The following PRKAR1B variants were observed in gnomAD, a reference collection of about 807,000 sequenced individuals.
PRKAR1B encodes cAMP-dependent protein kinase type I-beta regulatory subunit.
A neutral mutation model predicts 46.5 loss-of-function variants in PRKAR1B; 22 were observed. The observed-to-expected ratio is 0.47, with a 90% CI of 0.34 to 0.68. The LOEUF (loss-of-function observed/expected upper bound fraction) is 0.68. Among genes scored for constraint, PRKAR1B ranks in the 30% least tolerant of loss-of-function variants. The probability of loss-of-function intolerance (pLI) is 0.01; values close to 1 mark genes in which losing one functional copy is unlikely to be tolerated. For missense variants in PRKAR1B, 445 were observed against 535.6 expected (o/e 0.83, Z 1.67); for synonymous variants, 259 against 217.7 (o/e 1.19, Z -1.67).
intron 4 of PRKAR1B, among the ~76,000 whole-genome samples, chr7:673,925 C>A (rs1220348212): frequency 2.0e-5 from 3 of 152,338 alleles, no homozygotes; most frequent in African/African-American, 4.8e-5. Context: ...TGCGGCCCTC[C>A]TCGGCGTGTG....
At chr7:634,998 T>C (rs1250636779) in intron 4 of PRKAR1B, among the ~76,000 whole-genome samples, 1 of 152,230 alleles carries the variant, frequency 6.6e-6, no homozygotes, top group Non-Finnish European at 1.5e-5. Flanking sequence ...AGTATGCGAA[T>C]GTAGAACACA....
At chr7:646,741 C>T (rs891193182) in intron 4 of PRKAR1B, among the ~76,000 whole-genome samples, 23 of 152,196 alleles carry the variant, frequency 1.5e-4, no homozygotes, top group Middle Eastern at 3.2e-3. Flanking sequence ...CATCCTACGA[C>T]GGGGCCGCTA....
rs545132581 is a variant in PRKAR1B at position 664,758 on chromosome 7, A to G, written c.440+12471T>C. ...GACTCTGTCTCTACAAAAACTAAAAAAAAAAAATAGCTGGGTGTGGTGGTG... is the reference window on the plus strand; with the variant it reads ...GACTCTGTCTCTACAAAAACTAAAAGAAAAAAATAGCTGGGTGTGGTGGTG... On this transcript the variant is annotated intron_variant, in intron 4 of 10. Coordinates refer to ENST00000537384, the MANE Select transcript of PRKAR1B (RefSeq NM_001164760.2). Among the ~76,000 whole-genome samples, 12 of 151,800 alleles carry G rather than the reference A, an allele frequency of 7.9e-5. No homozygotes were observed. In the South Asian group the frequency reaches 2.5e-3, roughly 32 times the overall value.
At chr7:606,109 G>T in intron 6 of PRKAR1B, 84 bp downstream of exon 6, 2 of 1,343,838 alleles carry the variant, frequency 1.5e-6, no homozygotes, top group Non-Finnish European at 2.1e-6. Context: ...GTTTGTTGGG[G>T]GCCTGGTGCT....
chr7:610,270 A>C (rs1245159886), intron 4 of PRKAR1B, among the ~76,000 whole-genome samples: 2 of 151,850 alleles, frequency 1.3e-5, no homozygotes, highest in East Asian at 3.9e-4. Context: ...GTGGGCTGAA[A>C]CCCTTCCTGG....
At chr7:671,444 T>C (rs1168892832) in intron 4 of PRKAR1B, among the ~76,000 whole-genome samples, 1 of 151,694 alleles carries the variant, frequency 6.6e-6, no homozygotes, top group Non-Finnish European at 1.5e-5. Context: ...TTGGGTGGGG[T>C]TTTGGGGGAT....
At chr7:717,709 G>A (rs1780929136) in intron 1 of PRKAR1B, among the ~76,000 whole-genome samples, 1 of 152,064 alleles carries the variant, frequency 6.6e-6, no homozygotes. Flanking sequence ...GTTTTGCATT[G>A]TTCACTATGT....
chr7:676,984 T>C (rs113666277), intron 4 of PRKAR1B, among the ~76,000 whole-genome samples: 363 of 67,168 alleles, frequency 5.4e-3, no homozygotes, highest in Middle Eastern at 0.026. Context: ...GGGCAAGCAA[T>C]GGGGCCTGCC....
intron 4 of PRKAR1B, among the ~76,000 whole-genome samples, chr7:659,802 G>C (rs1183091488): frequency 6.6e-6 from 1 of 152,154 alleles, no homozygotes; most frequent in Non-Finnish European, 1.5e-5. Context: ...CACCTCCCGG[G>C]CTTAAGCGAC....
At chr7:700,832 T>G (rs1265960717) in intron 2 of PRKAR1B, among the ~76,000 whole-genome samples, 1 of 152,038 alleles carries the variant, frequency 6.6e-6, no homozygotes, top group Non-Finnish European at 1.5e-5. Context: ...ATTTGCAGAA[T>G]GGATATGACA....
At chr7:574,447 ATTT>A (rs71546451) in intron 9 of PRKAR1B, among the ~76,000 whole-genome samples, 8 of 145,738 alleles carry the variant, frequency 5.5e-5, no homozygotes, top group Admixed American at 4.8e-4. Flanking sequence ...ACAGATCCAG[ATTT>A]TTTTTTTTTT....
intron 2 of PRKAR1B, among the ~76,000 whole-genome samples, chr7:684,569 G>A (rs192547802): frequency 6.6e-4 from 101 of 152,204 alleles, no homozygotes; most frequent in African/African-American, 2.2e-3. Flanking sequence ...AGGTTCTCCC[G>A]GATCCACGGA....
intron 6 of PRKAR1B, among the ~76,000 whole-genome samples, chr7:601,723 C>T (rs1022859032): frequency 3.9e-5 from 6 of 152,316 alleles, no homozygotes; most frequent in South Asian, 4.1e-4. Context: ...CTGGGACTCA[C>T]GGGACAGCCC....
At chr7:627,631 G>C (rs572155710) in intron 4 of PRKAR1B, among the ~76,000 whole-genome samples, 122 of 152,300 alleles carry the variant, frequency 8.0e-4, no homozygotes, top group African/African-American at 2.6e-3. Context: ...TGACAGCAGA[G>C]GGCACTTCCA....
At chr7:660,013 CT>C (rs1292256467) in intron 4 of PRKAR1B, among the ~76,000 whole-genome samples, 1 of 152,114 alleles carries the variant, frequency 6.6e-6, no homozygotes, top group Non-Finnish European at 1.5e-5. Context: ...AGTGGCCTCT[CT>C]CCCTTTAGTG....
At chr7:650,207 G>A (rs1227534903) in intron 4 of PRKAR1B, among the ~76,000 whole-genome samples, 1 of 152,164 alleles carries the variant, frequency 6.6e-6, no homozygotes, top group East Asian at 1.9e-4. Context: ...GTGAGTGAGT[G>A]TGCCTTCTCT....
intron 4 of PRKAR1B, among the ~76,000 whole-genome samples, chr7:655,734 T>C (rs534750664): frequency 2.3e-4 from 35 of 152,192 alleles, no homozygotes; most frequent in Non-Finnish European, 4.0e-4. Flanking sequence ...GTTGAATGAA[T>C]GAGTGAGTGT....
intron 4 of PRKAR1B, among the ~76,000 whole-genome samples, chr7:646,245 T>C (rs1475599429): frequency 6.6e-6 from 1 of 152,216 alleles, no homozygotes; most frequent in Non-Finnish European, 1.5e-5. Flanking sequence ...GGTCTTCCTA[T>C]GTTCCCCAGG....
chr7:596,179 C>T lies in PRKAR1B; in HGVS notation c.675G>A (p.Gly225=). 6.2e-7 allele frequency: 1 copy of T among 1,613,860 alleles called. No individual in the cohort carries two copies. The highest frequency in any genetic ancestry group is 8.5e-7 in the Non-Finnish European group (1 of 1,179,890). Residue 225 remains glycine (G), a synonymous_variant, in exon 7 of 11, where the codon GGG becomes GGA. Transcript: ENST00000537384. ...TGCGCCGGTAGCTGTCCCGGTCGAT[C>T]CCCCAGAGCTTGAGGTCCGTCTTGG... ...VKAKTDLKLW[G]IDRDSYRRIL...
Sources: allele counts gnomAD v4.1 joint callset (sites outside exome capture counted in the v4.1 genomes callset), GRCh38; gene constraint gnomAD v4.1.1; transcripts MANE v1.5; gene names NCBI Gene and HGNC (gene_info 2026-07-23, HGNC 2026-07-21).